Variants in CYB5R4 observed in about 807,000 individuals in gnomAD.
The protein encoded by CYB5R4 is cytochrome b5 reductase 4, also known as N-terminal cytochrome b5 and cytochrome b5 oxidoreductase domain-containing protein.
CYB5R4 carries 55 observed loss-of-function variants against 70.2 expected under a neutral mutation model. The ratio of observed to expected loss-of-function variants is 0.78; its 90% CI spans 0.63 to 0.98. CYB5R4 has a LOEUF of 0.98. CYB5R4 is among the 50% of genes least tolerant of loss of function. The pLI is 0.00. For synonymous variants in CYB5R4, 197 were observed against 199.5 expected, an observed-to-expected ratio of 0.99 and a Z score of 0.11; for missense variants, 562 against 612.6, an observed-to-expected ratio of 0.92 and a Z score of 0.87.
At chr6:83,861,798 T>A (rs975686792) in intron 1 of CYB5R4, among the ~76,000 whole-genome samples, 1 of 152,262 alleles carries the variant, frequency 6.6e-6, no homozygotes, top group African/African-American at 2.4e-5. Flanking sequence ...AATTAATCTT[T>A]CTTAAATGTA....
intron 15 of CYB5R4, among the ~76,000 whole-genome samples, chr6:83,957,327 C>A (rs912470642): frequency 1.7e-4 from 26 of 152,050 alleles, no homozygotes; most frequent in Non-Finnish European, 3.5e-4. Flanking sequence ...TATAATAATA[C>A]TTTTAAATAA....
At chr6:83,907,516 G>A (rs1365640065) in intron 3 of CYB5R4, among the ~76,000 whole-genome samples, 2 of 151,194 alleles carry the variant, frequency 1.3e-5, no homozygotes, top group Non-Finnish European at 2.9e-5. Flanking sequence ...AGGGGTACGT[G>A]TGCAGGTTTG....
chr6:83,892,986 T>A (rs1016216336), intron 2 of CYB5R4, among the ~76,000 whole-genome samples: 2 of 152,152 alleles, frequency 1.3e-5, no homozygotes, highest in Non-Finnish European at 2.9e-5. Context: ...GTACAGTCTT[T>A]TAAAGGATAT....
chr6:83,931,801 A>AT (rs1375961723), intron 10 of CYB5R4, among the ~76,000 whole-genome samples: 14 of 120,904 alleles, frequency 1.2e-4, no homozygotes, highest in East Asian at 3.2e-4. Context: ...ATATATATAT[A>AT]TATTTTTTTT....
At chr6:83,891,035 T>C (rs557831606) in intron 2 of CYB5R4, among the ~76,000 whole-genome samples, 1 of 152,092 alleles carries the variant, frequency 6.6e-6, no homozygotes, top group Admixed American at 6.5e-5. Flanking sequence ...CTCAAACTTC[T>C]GTGTTCAAGC....
chr6:83,916,169 C>T (rs1353965023), intron 5 of CYB5R4, among the ~76,000 whole-genome samples: 1 of 151,620 alleles, frequency 6.6e-6, no homozygotes, highest in Non-Finnish European at 1.5e-5. Context: ...ATTTGCTCAC[C>T]CATGAGATTG....
chr6:83,861,920 C>T (rs1036359913), intron 1 of CYB5R4, among the ~76,000 whole-genome samples: 1 of 152,150 alleles, frequency 6.6e-6, no homozygotes, highest in Non-Finnish European at 1.5e-5. Context: ...TTTTGTTTGT[C>T]AATTAACCCA....
intron 15 of CYB5R4, 109 bp downstream of exon 15, chr6:83,955,571 C>T: frequency 9.5e-7 from 1 of 1,049,040 alleles, no homozygotes; most frequent in Non-Finnish European, 1.3e-6. Context: ...CTTTAATAAT[C>T]TTACAGTTTT....
At chr6:83,953,850 GTCATC>G (rs1033493990) in intron 14 of CYB5R4, among the ~76,000 whole-genome samples, 34 of 152,222 alleles carry the variant, frequency 2.2e-4, no homozygotes, top group African/African-American at 8.2e-4. Flanking sequence ...TTCAAGACTT[GTCATC>G]TCAGATCACT....
At position 83,893,156 on chromosome 6, in the gene CYB5R4, G is replaced by A. The variant is rs576098544; in HGVS notation, c.230-366G>A. 2.0e-5 allele frequency among the ~76,000 whole-genome samples: 3 copies of A among 152,288 alleles called. No homozygotes were observed. The South Asian group carries it at 6.2e-4, about 32-fold the overall frequency. ...CTCAGAGTTCCTCTTCTGTAATGCA[G>A]CGCATTAAGTGTACAGGTGTTACCT... On this transcript the variant is annotated intron_variant, in intron 2 of 15. Transcript: ENST00000369681.
chr6:83,946,213 A>C (rs138227576), intron 14 of CYB5R4, among the ~76,000 whole-genome samples: 1 of 152,354 alleles, frequency 6.6e-6, no homozygotes, highest in African/African-American at 2.4e-5. Flanking sequence ...CACATTAAAA[A>C]GCTTTTCCAC....
chr6:83,940,506 T>C lies in CYB5R4; in HGVS notation c.1260-9T>C. ...TTAGTTATTTCTGAGTTTTTTTTTT[T>C]CTCTTAAGGAAAGTGAAGCTGATGT... On this transcript the variant is annotated splice_polypyrimidine_tract_variant and intron_variant, in intron 13 of 15. Transcript: ENST00000369681. The C allele has an allele frequency of 6.4e-7, 1 of 1,563,194 alleles. No individual in the cohort carries two copies. The highest frequency in any genetic ancestry group is 8.6e-7 in the Non-Finnish European group (1 of 1,163,936).
chr6:83,926,346 AT>A (rs2099467268), intron 10 of CYB5R4: 1 of 149,742 alleles, frequency 6.7e-6, no homozygotes, highest in African/African-American at 2.5e-5. Flanking sequence ...GCGTCACTTA[AT>A]TTTTTCTTTC....
intron 2 of CYB5R4, among the ~76,000 whole-genome samples, chr6:83,888,030 T>C (rs1417737636): frequency 1.3e-5 from 2 of 152,188 alleles, no homozygotes; most frequent in African/African-American, 4.8e-5. Flanking sequence ...TTTGCAGAAC[T>C]CACTAATAGC....
At chr6:83,934,846 G>T in intron 11 of CYB5R4, 111 bp downstream of exon 11, 1 of 1,020,416 alleles carries the variant, frequency 9.8e-7, no homozygotes, top group Non-Finnish European at 1.4e-6. Context: ...ATGTTTCCAG[G>T]CAGCTAGATT....
chr6:83,915,729 A>G lies in CYB5R4; in HGVS notation c.445+1281A>G, dbSNP rs61763812. Among the ~76,000 whole-genome samples, 643 of 152,280 alleles carry G rather than the reference A, an allele frequency of 4.2e-3. 6 individuals carry two copies. The highest frequency in any genetic ancestry group is 0.015 in the African/African-American group (611 of 41,558). The stretch of plus-strand genomic sequence containing the variant: ...GATTGGAACATATCTGTCTATCTAT[A>G]TATTTATTAGCTGCTTTTCCCTTTT... On this transcript the variant is annotated intron_variant, in intron 5 of 15. Coordinates refer to ENST00000369681, the MANE Select transcript of CYB5R4 (RefSeq NM_016230.4).
Position 83,909,173 on chromosome 6 carries a change from A to G in CYB5R4, c.412+83A>G, listed in dbSNP as rs780959246. On this transcript the variant is annotated intron_variant, in intron 4 of 15. Transcript: ENST00000369681. ...AACTTGGATTTAAACAACTAGGTCT[A>G]TACAAATCACTATGGTTTTGTAATT... 1.5e-5 allele frequency: 16 copies of G among 1,089,670 alleles called. No homozygotes were observed. In the Admixed American group the frequency reaches 2.0e-4, roughly 14 times the overall value. 67.5% of individuals were successfully genotyped at this position (1,089,670 alleles called of 1,614,324 possible).
At position 83,949,709 on chromosome 6, in the gene CYB5R4, G is replaced by A. The variant is rs182839519; in HGVS notation, c.1347-5589G>A. Among the ~76,000 whole-genome samples the A allele has an allele frequency of 1.9e-4, 29 of 152,242 alleles. No individual in the cohort carries two copies. The East Asian group carries it at 4.1e-3, about 21-fold the overall frequency. On this transcript the variant is annotated intron_variant, in intron 14 of 15. Transcript: ENST00000369681. ...TATTTTCAGCAAGTGTGCTATGCTT[G>A]TCCGCAGAGTTTATCTAGAGAATAT...
chr6:83,923,795 A>T (rs1370639685), intron 9 of CYB5R4, among the ~76,000 whole-genome samples: 1 of 152,064 alleles, frequency 6.6e-6, no homozygotes, highest in African/African-American at 2.4e-5. Flanking sequence ...AGAATCCTTC[A>T]GATTCTAAGG....
Sources: allele counts gnomAD v4.1 joint callset (sites outside exome capture counted in the v4.1 genomes callset), GRCh38; gene constraint gnomAD v4.1.1; transcripts MANE v1.5; gene names NCBI Gene and HGNC (gene_info 2026-07-23, HGNC 2026-07-21).